The following STK24 variants were observed in gnomAD, a reference collection of about 807,000 sequenced individuals.
STK24 encodes the protein serine/threonine kinase 24.
Under a neutral mutation model 55.6 loss-of-function variants are expected in STK24, and 21 were observed. That is an observed-to-expected ratio of 0.38 (90% CI 0.27 to 0.54). The LOEUF (loss-of-function observed/expected upper bound fraction) is 0.54, where lower values mean the gene tolerates loss of function less well. Ranked by LOEUF, STK24 falls within the 20% of genes least tolerant of loss-of-function variation. The pLI, the probability that STK24 is intolerant of heterozygous loss-of-function variation, is 0.79. For synonymous variants in STK24, 200 were observed against 215.2 expected (o/e 0.93, Z 0.62); for missense variants, 383 against 538.4 (o/e 0.71, Z 2.86).
intron 1 of STK24, among the ~76,000 whole-genome samples, chr13:98,527,519 A>G (rs191456180): frequency 4.6e-5 from 7 of 152,320 alleles, no homozygotes; most frequent in Non-Finnish European, 1.0e-4. Flanking sequence ...AGAGCATCCG[A>G]GGGAGCCCTG....
intron 1 of STK24, among the ~76,000 whole-genome samples, chr13:98,540,763 CAAAAAA>C (rs35957882): frequency 1.7e-4 from 10 of 58,884 alleles, no homozygotes; most frequent in African/African-American, 5.7e-4. Flanking sequence ...ATATTAAAAG[CAAAAAA>C]AAAAAAAAAA....
At chr13:98,553,347 G>A (rs1057501075) in intron 1 of STK24, 1 of 152,310 alleles carries the variant, frequency 6.6e-6, no homozygotes, top group South Asian at 2.1e-4. Context: ...GGCTTCGGGA[G>A]CTCCTCCGAG....
chr13:98,552,733 C>A (rs537299222), intron 1 of STK24, among the ~76,000 whole-genome samples: 2 of 152,118 alleles, frequency 1.3e-5, no homozygotes, highest in Non-Finnish European at 2.9e-5. Flanking sequence ...TCCAGAGAAA[C>A]TGCCTTCGGT....
intron 3 of STK24, among the ~76,000 whole-genome samples, chr13:98,478,044 G>A (rs1467280789): frequency 1.3e-5 from 2 of 152,152 alleles, no homozygotes; most frequent in Non-Finnish European, 1.5e-5. Flanking sequence ...CCTTACTTGG[G>A]GGGAAATCCT....
chr13:98,525,344 A>C (rs1896396201), intron 1 of STK24, among the ~76,000 whole-genome samples: 1 of 152,220 alleles, frequency 6.6e-6, no homozygotes, highest in Admixed American at 6.5e-5. Flanking sequence ...GCCTGAAAGG[A>C]AGCAAAGCCT....
rs114643060 is a variant in STK24 at position 98,471,256 on chromosome 13, C to T, written c.597+3565G>A. Among the ~76,000 whole-genome samples, 1,207 of 152,360 alleles carry T rather than the reference C, an allele frequency of 7.9e-3. 17 individuals are homozygous for T. The highest frequency in any genetic ancestry group is 0.027 in the African/African-American group (1,126 of 41,580). On this transcript the variant is annotated intron_variant, in intron 5 of 10. Transcript: ENST00000539966. ...GGCAGCCCATCGGCTCATCCCACCA[C>T]GCTTTCACTCATCTTCAACAATGCT...
At chr13:98,571,880 C>A (rs1386119372) in intron 1 of STK24, among the ~76,000 whole-genome samples, 7 of 152,224 alleles carry the variant, frequency 4.6e-5, no homozygotes, top group Non-Finnish European at 4.4e-5. Context: ...TTCCTCTTCC[C>A]TGAAGTGCTG....
At chr13:98,508,622 G>C (rs72655634) in intron 2 of STK24, among the ~76,000 whole-genome samples, 2,613 of 152,232 alleles carry the variant, frequency 0.017, 30 homozygotes, top group South Asian at 0.028. Flanking sequence ...GGAGGAACAG[G>C]GGGTATTTTA....
intron 1 of STK24, among the ~76,000 whole-genome samples, chr13:98,549,051 A>G (rs1315725821): frequency 3.9e-5 from 6 of 152,116 alleles, no homozygotes; most frequent in Admixed American, 1.3e-4. Context: ...ACAAGCCCCA[A>G]TGGAGACACT....
At chr13:98,557,758 G>T (rs1448989523) in intron 1 of STK24, among the ~76,000 whole-genome samples, 5 of 152,200 alleles carry the variant, frequency 3.3e-5, no homozygotes, top group African/African-American at 1.2e-4. Context: ...CTTATTTTAG[G>T]ACCTGATATG....
At chr13:98,469,850 A>C (rs1206193486) in intron 5 of STK24, among the ~76,000 whole-genome samples, 1 of 152,222 alleles carries the variant, frequency 6.6e-6, no homozygotes, top group Non-Finnish European at 1.5e-5. Flanking sequence ...CATGTGAATC[A>C]ATGGCAAGCA....
intron 5 of STK24, among the ~76,000 whole-genome samples, chr13:98,467,268 A>T (rs183374682): frequency 6.6e-6 from 1 of 152,344 alleles, no homozygotes; most frequent in East Asian, 1.9e-4. Flanking sequence ...TTCCCCGAGT[A>T]TATTTTAAAA....
At chr13:98,519,508 G>A (rs1896184229) in intron 1 of STK24, 35 bp from the exon 2 acceptor site, 1 of 1,531,592 alleles carries the variant, frequency 6.5e-7, no homozygotes, top group Non-Finnish European at 9.0e-7. Context: ...GGAAACTTTA[G>A]TCCCTCATAG....
chr13:98,520,714 C>G (rs375775373), intron 1 of STK24, among the ~76,000 whole-genome samples: 10 of 152,380 alleles, frequency 6.6e-5, no homozygotes, highest in African/African-American at 2.4e-4. Flanking sequence ...AGGTGAGACA[C>G]ACTGAGTTCC....
chr13:98,492,691 C>CAT (rs1413429922), intron 2 of STK24, among the ~76,000 whole-genome samples: 8 of 152,186 alleles, frequency 5.3e-5, no homozygotes, highest in African/African-American at 9.7e-5. Flanking sequence ...AGGGAGGATC[C>CAT]ATACCACCAT....
intron 1 of STK24, among the ~76,000 whole-genome samples, chr13:98,574,233 G>A (rs552276278): frequency 6.6e-6 from 1 of 152,134 alleles, no homozygotes. Flanking sequence ...GGATGGTCTC[G>A]ATCTCCTGAC....
At chr13:98,546,907 TTTTG>T (rs962685984) in intron 1 of STK24, among the ~76,000 whole-genome samples, 6 of 152,122 alleles carry the variant, frequency 3.9e-5, no homozygotes, top group African/African-American at 7.2e-5. Context: ...TGTTGTTTTT[TTTTG>T]TTTGTTTGTT....
intron 1 of STK24, among the ~76,000 whole-genome samples, chr13:98,534,679 C>T (rs1321732962): frequency 6.6e-6 from 1 of 152,150 alleles, no homozygotes; most frequent in African/African-American, 2.4e-5. Context: ...CTAGTGCCAC[C>T]CAGACCGGTA....
At chr13:98,496,542 G>T (rs1170045723) in intron 2 of STK24, among the ~76,000 whole-genome samples, 2 of 152,146 alleles carry the variant, frequency 1.3e-5, no homozygotes, top group East Asian at 3.9e-4. Flanking sequence ...CCATGTCCCA[G>T]TAAGGGCTCC....
Sources: gnomAD v4.1 joint callset for allele counts (sites outside exome capture counted in the v4.1 genomes callset) on GRCh38, gnomAD v4.1.1 for gene constraint, MANE v1.5 for transcripts, NCBI Gene and HGNC (gene_info 2026-07-23, HGNC 2026-07-21) for gene names.